MAP2K5: variants seen among roughly 807,000 people sequenced by gnomAD.
MAP2K5 encodes the protein mitogen-activated protein kinase kinase 5.
A neutral mutation model predicts 83.1 loss-of-function variants in MAP2K5; 49 were observed. That is an observed-to-expected ratio of 0.59 (90% confidence interval 0.47 to 0.75). The LOEUF (loss-of-function observed/expected upper bound fraction) is 0.75. Among genes scored for constraint, MAP2K5 ranks in the 30% least tolerant of loss-of-function variants. The probability of loss-of-function intolerance (pLI) is 0.00; values close to 1 mark genes in which losing one functional copy is unlikely to be tolerated. For synonymous variants in MAP2K5, 202 were observed against 191.8 expected (o/e 1.05, Z -0.44); for missense variants, 457 against 557.5 (o/e 0.82, Z 1.82).
At position 67,728,065 on chromosome 15, in the gene MAP2K5, A is replaced by C. The variant is rs1247901773; in HGVS notation, c.1074+120A>C. On this transcript the variant is annotated intron_variant, in intron 17 of 21. Coordinates refer to ENST00000178640, the MANE Select transcript of MAP2K5 (RefSeq NM_145160.3). Reference sequence around the variant, plus strand: ...ATAAATCTGTCCTGTTAAATTGAAAAGTGGTATCTTAAAGGGTTCATTTAG... The same window carrying C: ...ATAAATCTGTCCTGTTAAATTGAAACGTGGTATCTTAAAGGGTTCATTTAG... 5 of 870,330 alleles carry C rather than the reference A, an allele frequency of 5.7e-6. No homozygotes were observed. In the African/African-American group the frequency reaches 8.4e-5, roughly 15 times the overall value. 53.9% of individuals were successfully genotyped at this position (870,330 alleles called of 1,614,324 possible).
At chr15:67,727,594 T>A (rs149941528) in intron 16 of MAP2K5, among the ~76,000 whole-genome samples, 33 of 152,368 alleles carry the variant, frequency 2.2e-4, no homozygotes, top group African/African-American at 6.7e-4. Context: ...TTTACATCTC[T>A]GTCTAGAAGA....
intron 19 of MAP2K5, among the ~76,000 whole-genome samples, chr15:67,752,317 T>C (rs1289195425): frequency 6.6e-6 from 1 of 151,330 alleles, no homozygotes; most frequent in African/African-American, 2.4e-5. Flanking sequence ...TCCGCCTACC[T>C]TGGCCTCCCA....
In MAP2K5 at chr15:67,698,541, TA is replaced by T. The variant is rs1416754812; in HGVS notation, c.973-4792del. ...ATTATGTTTTTAAGATAGAAGTTCC[TA>T]AAACTTTAACCAACTATTCAGTCTT... On this transcript the variant is annotated intron_variant, in intron 15 of 21. Coordinates refer to ENST00000178640, the MANE Select transcript of MAP2K5 (RefSeq NM_145160.3). This position sits in a 1 kb window ranked among gnomAD's most constrained non-coding sequence, Gnocchi z 4.5. Among the ~76,000 whole-genome samples the T allele has an allele frequency of 1.3e-5, 2 of 152,194 alleles. No homozygotes were observed. Among genetic ancestry groups the T allele is most frequent in the African/African-American group, 4.8e-5 (2 of 41,448 alleles).
rs920654995 is a variant in MAP2K5 at position 67,559,591 on chromosome 15, G to C, written c.185-3692G>C. ...TTGTGAAGATTGCTTCATAATATTG[G>C]TTTACCATCTGCTGCACTCTATTTG... On this transcript the variant is annotated intron_variant, in intron 2 of 21. Coordinates refer to ENST00000178640, the MANE Select transcript of MAP2K5 (RefSeq NM_145160.3). The surrounding 1 kb of genome is among the most constrained non-coding windows in gnomAD (Gnocchi z 4.7). Among the ~76,000 whole-genome samples, 5 of 152,136 alleles carry C rather than the reference G, an allele frequency of 3.3e-5. No homozygotes were observed. Among genetic ancestry groups the C allele is most frequent in the Non-Finnish European group, 7.4e-5 (5 of 68,020 alleles).
At chr15:67,588,097 T>G in intron 6 of MAP2K5, 2 of 985,376 alleles carry the variant, frequency 2.0e-6, no homozygotes, top group Non-Finnish European at 2.4e-6. Flanking sequence ...TCACTGCTCT[T>G]CATGCTTTCA....
intron 3 of MAP2K5, among the ~76,000 whole-genome samples, chr15:67,578,108 A>AC (rs1446568522): frequency 6.6e-6 from 1 of 152,220 alleles, no homozygotes; most frequent in Non-Finnish European, 1.5e-5. Flanking sequence ...TCTTGATTTT[A>AC]CAAATGAGTA....
At chr15:67,659,557 A>G (rs759833266) in intron 12 of MAP2K5, among the ~76,000 whole-genome samples, 1 of 152,136 alleles carries the variant, frequency 6.6e-6, no homozygotes. Context: ...CTTCTCATCT[A>G]CATGTGCAGG....
At chr15:67,674,792 G>C (rs563337348) in intron 13 of MAP2K5, among the ~76,000 whole-genome samples, 45 of 152,202 alleles carry the variant, frequency 3.0e-4, no homozygotes, top group African/African-American at 1.1e-3. Context: ...AATGGGCAAA[G>C]ACATGAAGAG....
In MAP2K5 at chr15:67,543,775, GT is replaced by G. The variant is rs946498022; in HGVS notation, c.135+311del. On this transcript the variant is annotated intron_variant, in intron 1 of 21. Transcript: ENST00000178640. The surrounding 1 kb of genome is among the most constrained non-coding windows in gnomAD (Gnocchi z 4.3). ...GCAAACTGCTGAATCTAGAAGAGAG[GT>G]TTTTTCCCCCCAAGTGTTTCGGGGA... Among the ~76,000 whole-genome samples the G allele has an allele frequency of 6.6e-6, 1 of 152,168 alleles. No individual in the cohort carries two copies. The highest frequency in any genetic ancestry group is 1.5e-5 in the Non-Finnish European group (1 of 68,030).
At chr15:67,611,149 C>G (rs1175871765) in intron 8 of MAP2K5, among the ~76,000 whole-genome samples, 1 of 152,054 alleles carries the variant, frequency 6.6e-6, no homozygotes, top group East Asian at 1.9e-4. Flanking sequence ...AAACATAAAA[C>G]TTATTAAATC....
Position 67,748,377 on chromosome 15 carries a change from T to C in MAP2K5, c.1101+120T>C. 1 of 927,480 alleles carries C rather than the reference T, an allele frequency of 1.1e-6. No homozygotes were observed. The highest frequency in any genetic ancestry group is 1.7e-6 in the Non-Finnish European group (1 of 582,182). 57.5% of individuals were successfully genotyped at this position (927,480 alleles called of 1,614,324 possible). On this transcript the variant is annotated intron_variant, in intron 18 of 21. Coordinates refer to ENST00000178640, the MANE Select transcript of MAP2K5 (RefSeq NM_145160.3). This position sits in a 1 kb window ranked among gnomAD's most constrained non-coding sequence, Gnocchi z 4.0. ...TTGCATTTTGAAGAAAATGCAAACCTTTAACTGCCTGTATTAGATTAGGTA... is the reference window on the plus strand; with the variant it reads ...TTGCATTTTGAAGAAAATGCAAACCCTTAACTGCCTGTATTAGATTAGGTA...
At chr15:67,574,226 T>C (rs1312118693) in intron 3 of MAP2K5, among the ~76,000 whole-genome samples, 4 of 152,172 alleles carry the variant, frequency 2.6e-5, no homozygotes, top group Admixed American at 1.3e-4. Context: ...TGGTGGTCAC[T>C]GGACTGGTGA....
chr15:67,553,303 A>C lies in MAP2K5; in HGVS notation c.184+3221A>C, dbSNP rs186082087. 1.5e-4 allele frequency among the ~76,000 whole-genome samples: 23 copies of C among 152,340 alleles called. No homozygotes were observed. In the East Asian group the frequency reaches 3.5e-3, roughly 23 times the overall value. ...CACTCTTTATCCCCAAGTGTGTCAA[A>C]AGCCTGTTAAGTGTAAATATAGATA... On this transcript the variant is annotated intron_variant, in intron 2 of 21. Coordinates refer to ENST00000178640, the MANE Select transcript of MAP2K5 (RefSeq NM_145160.3).
chr15:67,659,390 C>G (rs2087176962), intron 12 of MAP2K5: 1 of 152,288 alleles, frequency 6.6e-6, no homozygotes, highest in Admixed American at 6.6e-5. Flanking sequence ...ATTCATTATA[C>G]ATCAAACTGA....
rs1184585791 is a variant in MAP2K5, at chr15:67,690,234, G to T, written c.848-2245G>T. 6.6e-6 allele frequency among the ~76,000 whole-genome samples: 1 copy of T among 152,176 alleles called. No individual in the cohort carries two copies. Among genetic ancestry groups the T allele is most frequent in the African/African-American group, 2.4e-5 (1 of 41,442 alleles). ...GATTTGAAAAATAAGACCAAACTAT[G>T]TAGAATCTAACATTTGTTTCAGTTC... On this transcript the variant is annotated intron_variant, in intron 13 of 21. Coordinates refer to ENST00000178640, the MANE Select transcript of MAP2K5 (RefSeq NM_145160.3). This position sits in a 1 kb window ranked among gnomAD's most constrained non-coding sequence, Gnocchi z 4.3.
chr15:67,792,137 T>C (rs912027519), intron 21 of MAP2K5, among the ~76,000 whole-genome samples: 4 of 152,110 alleles, frequency 2.6e-5, no homozygotes, highest in African/African-American at 9.6e-5. Context: ...CAAAAGGAGG[T>C]TAAGATCAAA....
intron 1 of MAP2K5, among the ~76,000 whole-genome samples, chr15:67,546,740 G>A (rs995145429): frequency 1.8e-4 from 27 of 152,110 alleles, no homozygotes; most frequent in African/African-American, 4.8e-4. Context: ...TTTGTATTCT[G>A]TGGTCTCCAA....
chr15:67,579,691 T>G (rs1368646683), intron 3 of MAP2K5, among the ~76,000 whole-genome samples: 1 of 151,236 alleles, frequency 6.6e-6, no homozygotes, highest in Non-Finnish European at 1.5e-5. Flanking sequence ...CCCTTTATTT[T>G]CAAGAGGAAA....
intron 9 of MAP2K5, among the ~76,000 whole-genome samples, chr15:67,633,108 C>A (rs944373813): frequency 6.6e-6 from 1 of 152,182 alleles, no homozygotes; most frequent in Non-Finnish European, 1.5e-5. Context: ...TGGTGCTCAC[C>A]GAGCGCGGCC....
Sources: gnomAD v4.1 joint callset for allele counts (sites outside exome capture counted in the v4.1 genomes callset) on GRCh38, gnomAD v4.1.1 for gene constraint, Gnocchi (gnomAD v3.1) non-coding constraint, MANE v1.5 for transcripts, NCBI Gene and HGNC (gene_info 2026-07-23, HGNC 2026-07-21) for gene names.